Variants in AIM2 observed in about 807,000 individuals in gnomAD.
AIM2 encodes the protein absent in melanoma 2.
A neutral mutation model predicts 27.7 loss-of-function variants in AIM2; 30 were observed. That is an observed-to-expected ratio of 1.08 (90% CI 0.81 to 1.47). The LOEUF is 1.47. AIM2 is among the 40% of genes most tolerant of loss of function. AIM2 has a pLI of 0.00. For missense variants in AIM2, 358 were observed against 411.3 expected (o/e 0.87, Z 1.12); for synonymous variants, 141 against 145.3 (o/e 0.97, Z 0.21).
chr1:159,071,780 G>C (rs1411804078), intron 2 of AIM2, among the ~76,000 whole-genome samples: 1 of 152,212 alleles, frequency 6.6e-6, no homozygotes, highest in African/African-American at 2.4e-5. Context: ...AAAGTGCTGG[G>C]ATTAAAGGCG....
At chr1:159,056,745 A>AAAAAAAAAAAAAAC in the AIM2 span, among the ~76,000 whole-genome samples, 1 of 146,446 alleles carries the variant, frequency 6.8e-6, no homozygotes, top group Non-Finnish European at 1.5e-5. Flanking sequence ...AAAAAAAAAA[A>AAAAAAAAAAAAAAC]AAACTACCCT....
chr1:159,102,072 C>T (rs947673291), intron 1 of AIM2, among the ~76,000 whole-genome samples: 2 of 152,314 alleles, frequency 1.3e-5, no homozygotes, highest in East Asian at 1.9e-4. Flanking sequence ...AGGGAAAAAT[C>T]ACTTCCTGGG....
intron 1 of AIM2, among the ~76,000 whole-genome samples, chr1:159,139,877 C>T (rs751639694): frequency 2.6e-5 from 4 of 152,084 alleles, no homozygotes; most frequent in Non-Finnish European, 4.4e-5. Context: ...GCCCTTGCCC[C>T]GAATTTTAAC....
chr1:159,139,157 T>C (rs1411992697), intron 1 of AIM2, among the ~76,000 whole-genome samples: 3 of 152,162 alleles, frequency 2.0e-5, no homozygotes, highest in Admixed American at 1.3e-4. Context: ...AAGCTTCTAG[T>C]TCCCTTGAGT....
intron 1 of AIM2, among the ~76,000 whole-genome samples, chr1:159,111,503 A>C (rs562022722): frequency 1.3e-5 from 2 of 152,188 alleles, no homozygotes; most frequent in Non-Finnish European, 2.9e-5. Context: ...GCTCCTAAAC[A>C]GTTACACAAA....
At chr1:159,103,358 C>T (rs1212015349) in intron 1 of AIM2, among the ~76,000 whole-genome samples, 1 of 144,284 alleles carries the variant, frequency 6.9e-6, no homozygotes, top group Non-Finnish European at 1.5e-5. Context: ...CAGGCTAATA[C>T]ATCACAGTTT....
intron 1 of AIM2, among the ~76,000 whole-genome samples, chr1:159,097,486 A>G (rs1002833288): frequency 6.6e-6 from 1 of 152,134 alleles, no homozygotes; most frequent in Non-Finnish European, 1.5e-5. Flanking sequence ...TCACAGCCAT[A>G]ATGAAGAGCA....
chr1:159,106,003 C>A (rs1657435652), intron 1 of AIM2, among the ~76,000 whole-genome samples: 1 of 152,178 alleles, frequency 6.6e-6, no homozygotes, highest in Non-Finnish European at 1.5e-5. Flanking sequence ...ATGTTGTCCA[C>A]AGGCACCCAG....
intron 1 of AIM2, among the ~76,000 whole-genome samples, chr1:159,093,387 CA>C: frequency 6.6e-6 from 1 of 152,268 alleles, no homozygotes; most frequent in Middle Eastern, 3.4e-3. Flanking sequence ...TACAGATTAA[CA>C]AATCTTATTC....
At chr1:159,079,185 C>T (rs141065714), upstream of AIM2, among the ~76,000 whole-genome samples, 420 of 151,692 alleles carry the variant, frequency 2.8e-3, 5 homozygotes, top group African/African-American at 9.3e-3. Context: ...TAAGAAAAGA[C>T]ATTGCATCCA....
intron 1 of AIM2, among the ~76,000 whole-genome samples, chr1:159,130,054 G>A (rs1421299310): frequency 2.0e-5 from 3 of 152,118 alleles, no homozygotes; most frequent in African/African-American, 7.2e-5. Context: ...TAAAGGAAAC[G>A]TCGGCCCTTA....
upstream of AIM2, among the ~76,000 whole-genome samples, chr1:159,143,581 T>TACACACACACACAC (rs6143439): frequency 4.2e-5 from 6 of 144,054 alleles, no homozygotes; most frequent in Non-Finnish European, 7.6e-5. Flanking sequence ...GCTCAGTGTG[T>TACACACACACACAC]ACACACACAC....
At chr1:159,098,238 C>G (rs2102015449) in intron 1 of AIM2, among the ~76,000 whole-genome samples, 1 of 152,112 alleles carries the variant, frequency 6.6e-6, no homozygotes, top group East Asian at 1.9e-4. Flanking sequence ...GATTATGTGC[C>G]CAACTTTCTT....
At chr1:159,082,055 T>C (rs937881246) in intron 1 of AIM2, among the ~76,000 whole-genome samples, 1 of 152,204 alleles carries the variant, frequency 6.6e-6, no homozygotes, top group Non-Finnish European at 1.5e-5. Flanking sequence ...CCACATGCTT[T>C]TAAAATTACA....
chr1:159,106,631 C>G (rs1378011241), intron 1 of AIM2, among the ~76,000 whole-genome samples: 2 of 152,220 alleles, frequency 1.3e-5, no homozygotes, highest in Non-Finnish European at 2.9e-5. Context: ...ACTGACATCC[C>G]CTCATGGGTT....
chr1:159,135,242 T>A (rs181104060), intron 1 of AIM2, among the ~76,000 whole-genome samples: 1 of 152,234 alleles, frequency 6.6e-6, no homozygotes, highest in Non-Finnish European at 1.5e-5. Context: ...ATTTAACCTG[T>A]CTCTAGATTA....
rs551081433 is a variant in AIM2 at position 159,117,226 on chromosome 1, A to G, written c.-16+23205T>C. Among the ~76,000 whole-genome samples the G allele has an allele frequency of 3.3e-5, 5 of 152,296 alleles. No homozygotes were observed. The South Asian group carries it at 8.3e-4, about 25-fold the overall frequency. On this transcript the variant is annotated intron_variant, in intron 1 of 2. Coordinates refer to the AIM2 transcript ENST00000368129. ...AGACAGGTGCATTTGTGTGCGCACGAGAGAGAAAGACACAGAGAGAGGCTG... is the reference window on the plus strand; with the variant it reads ...AGACAGGTGCATTTGTGTGCGCACGGGAGAGAAAGACACAGAGAGAGGCTG...
At chr1:159,073,650 G>A in intron 1 of AIM2, 131 bp from the exon 2 acceptor site, 1 of 898,702 alleles carries the variant, frequency 1.1e-6, no homozygotes, top group South Asian at 1.8e-5. Context: ...GATTTGAGTA[G>A]GACATAGGTA....
chr1:159,068,045 T>G (rs1311735399), intron 3 of AIM2, among the ~76,000 whole-genome samples: 1 of 151,992 alleles, frequency 6.6e-6, no homozygotes, highest in African/African-American at 2.4e-5. Context: ...AACAGAGGCA[T>G]GCCAGACCGA....
Sources: gnomAD v4.1 joint callset for allele counts (sites outside exome capture counted in the v4.1 genomes callset) on GRCh38, gnomAD v4.1.1 for gene constraint, MANE v1.5 for transcripts, NCBI Gene and HGNC (gene_info 2026-07-23, HGNC 2026-07-21) for gene names.